Variants in GABRB1 observed in about 807,000 individuals in gnomAD.
GABRB1 encodes gamma-aminobutyric acid type A receptor subunit beta1.
In GABRB1, 17 loss-of-function variants were observed where a neutral mutation model predicts 51.6. That is an observed-to-expected ratio of 0.33 (90% CI 0.23 to 0.49). The LOEUF is 0.49. GABRB1 is among the 20% of genes least tolerant of loss of function. GABRB1 has a pLI of 0.99. For missense variants in GABRB1, 410 were observed against 600.6 expected (o/e 0.68, Z 3.32); for synonymous variants, 247 against 218.9 (o/e 1.13, Z -1.14).
At chr4:47,069,093 T>C (rs1300271537) in intron 3 of GABRB1, among the ~76,000 whole-genome samples, 2 of 152,160 alleles carry the variant, frequency 1.3e-5, no homozygotes, top group Non-Finnish European at 2.9e-5. Flanking sequence ...AACCTCCCCA[T>C]GTGAGATTAA....
At chr4:47,306,738 CT>C (rs1466203271) in intron 4 of GABRB1, among the ~76,000 whole-genome samples, 6 of 151,992 alleles carry the variant, frequency 3.9e-5, no homozygotes, top group East Asian at 3.9e-4. Flanking sequence ...AGCATCTCTT[CT>C]TTTTTTTGTT....
chr4:47,116,956 C>A (rs922453805), intron 3 of GABRB1, among the ~76,000 whole-genome samples: 1 of 152,164 alleles, frequency 6.6e-6, no homozygotes, highest in South Asian at 2.1e-4. Flanking sequence ...ATAACCAGAT[C>A]TCATGAGAAC....
intron 4 of GABRB1, among the ~76,000 whole-genome samples, chr4:47,289,983 G>A (rs1465897045): frequency 6.6e-6 from 1 of 152,306 alleles, no homozygotes; most frequent in Non-Finnish European, 1.5e-5. Flanking sequence ...ATCTGCAAAA[G>A]CAGTGAGAAA....
intron 4 of GABRB1, among the ~76,000 whole-genome samples, chr4:47,188,236 T>G (rs1157040715): frequency 6.6e-6 from 1 of 152,020 alleles, no homozygotes; most frequent in African/African-American, 2.4e-5. Context: ...CACAGTCAAA[T>G]TAACATCTTT....
intron 5 of GABRB1, among the ~76,000 whole-genome samples, chr4:47,344,834 T>C (rs1000783217): frequency 1.3e-5 from 2 of 152,202 alleles, no homozygotes; most frequent in Admixed American, 1.3e-4. Context: ...GCGATTCTCA[T>C]GCCTCAGCCT....
At chr4:47,280,383 G>A (rs1349273938) in intron 4 of GABRB1, among the ~76,000 whole-genome samples, 1 of 151,004 alleles carries the variant, frequency 6.6e-6, no homozygotes, top group Non-Finnish European at 1.5e-5. Flanking sequence ...TAATATTTTT[G>A]TCTTTTGCCC....
chr4:47,425,603 T>C (rs1560380675), intron 8 of GABRB1, 71 bp from the exon 9 acceptor site: 6 of 1,170,996 alleles, frequency 5.1e-6, no homozygotes, highest in Non-Finnish European at 7.4e-6. Context: ...TGGGGTATCA[T>C]TAGTAACAGG....
At position 47,093,581 on chromosome 4, in the gene GABRB1, C is replaced by CA. The variant is rs1320023867; in HGVS notation, c.240+61105dup. Among the ~76,000 whole-genome samples the CA allele has an allele frequency of 6.6e-5, 10 of 151,844 alleles. No homozygotes were observed. In the South Asian group the frequency reaches 8.3e-4, roughly 13 times the overall value. On this transcript the variant is annotated intron_variant, in intron 3 of 8. Transcript: ENST00000295454. ...TACCACCATATTTTTCTGCGTACAACAAAAAAAATCTCATATTACTTATCA... is the reference window on the plus strand; with the variant it reads ...TACCACCATATTTTTCTGCGTACAACAAAAAAAAATCTCATATTACTTATCA...
intron 1 of GABRB1, among the ~76,000 whole-genome samples, chr4:47,011,048 G>T (rs1724567597): frequency 6.6e-6 from 1 of 152,058 alleles, no homozygotes; most frequent in South Asian, 2.1e-4. Flanking sequence ...GAGTTAACAC[G>T]TTGGTGTGAA....
At chr4:47,069,947 T>G (rs75293753) in intron 3 of GABRB1, among the ~76,000 whole-genome samples, 67 of 152,174 alleles carry the variant, frequency 4.4e-4, no homozygotes, top group African/African-American at 1.6e-3. Context: ...AAGACCCCCA[T>G]GTTGCTACCC....
At chr4:47,362,499 C>T (rs903780094) in intron 5 of GABRB1, among the ~76,000 whole-genome samples, 5 of 152,194 alleles carry the variant, frequency 3.3e-5, no homozygotes, top group Middle Eastern at 3.4e-3. Flanking sequence ...TTATAAAATT[C>T]GAGCATTTTC....
intron 4 of GABRB1, among the ~76,000 whole-genome samples, chr4:47,171,001 T>C (rs180987967): frequency 2.6e-5 from 4 of 152,314 alleles, no homozygotes; most frequent in African/African-American, 7.2e-5. Context: ...TGGAAAACTT[T>C]ATAATTAAAT....
At chr4:47,302,434 AT>A (rs1275012339) in intron 4 of GABRB1, among the ~76,000 whole-genome samples, 1 of 151,968 alleles carries the variant, frequency 6.6e-6, no homozygotes, top group Non-Finnish European at 1.5e-5. Context: ...TGAATATATC[AT>A]TTACTGTAAG....
rs147079161 is a variant in GABRB1, at chr4:47,020,172, G to C, written c.-19-11742G>C. On this transcript the variant is annotated intron_variant, in intron 1 of 3. Transcript: ENST00000513567. ...CTCACATGGCCTTTCCACTGTGCAT[G>C]AGCATGTATGGTGTCTCCTCTTTTT... Among the ~76,000 whole-genome samples the C allele has an allele frequency of 3.9e-5, 6 of 152,066 alleles. No homozygotes were observed. The East Asian group carries it at 1.2e-3, about 29-fold the overall frequency.
chr4:47,299,740 G>A (rs13112586), intron 4 of GABRB1, among the ~76,000 whole-genome samples: 344 of 152,228 alleles, frequency 2.3e-3, no homozygotes, highest in Non-Finnish European at 3.9e-3. Flanking sequence ...CCATTACTGG[G>A]TATATACCCA....
chr4:47,294,497 T>A (rs185379792), intron 4 of GABRB1, among the ~76,000 whole-genome samples: 52 of 152,292 alleles, frequency 3.4e-4, no homozygotes, highest in African/African-American at 1.2e-3. Flanking sequence ...ACAGTCTCGC[T>A]CATTGCTAGC....
chr4:47,252,634 A>G (rs1375983289), intron 4 of GABRB1, among the ~76,000 whole-genome samples: 1 of 149,014 alleles, frequency 6.7e-6, no homozygotes, highest in Non-Finnish European at 1.5e-5. Context: ...CAGCCTCCCA[A>G]GTAGCTGGGG....
intron 4 of GABRB1, among the ~76,000 whole-genome samples, chr4:47,189,219 C>T (rs1719325324): frequency 6.6e-6 from 1 of 151,842 alleles, no homozygotes; most frequent in Admixed American, 6.6e-5. Flanking sequence ...GGGCAATGGA[C>T]ATACTTGGAA....
chr4:47,072,854 G>T (rs943038479), intron 3 of GABRB1, among the ~76,000 whole-genome samples: 2 of 152,064 alleles, frequency 1.3e-5, no homozygotes, highest in Non-Finnish European at 2.9e-5. Context: ...AGCCAATTTG[G>T]CAACACTTAA....
Sources: allele counts gnomAD v4.1 joint callset (sites outside exome capture counted in the v4.1 genomes callset), GRCh38; gene constraint gnomAD v4.1.1; transcripts MANE v1.5; gene names NCBI Gene and HGNC (gene_info 2026-07-23, HGNC 2026-07-21).